The following PDE4D variants were observed in gnomAD, a reference collection of about 807,000 sequenced individuals.
PDE4D encodes the protein 3',5'-cyclic-AMP phosphodiesterase 4D.
A neutral mutation model predicts 87.4 loss-of-function variants in PDE4D; 24 were observed. That is an observed-to-expected ratio of 0.27 (90% CI 0.20 to 0.39). The LOEUF is 0.39. Among genes scored for constraint, PDE4D ranks in the 10% least tolerant of loss-of-function variants. The pLI, the probability that PDE4D is intolerant of heterozygous loss-of-function variation, is 1.00. For missense variants in PDE4D, 714 were observed against 1,041.0 expected, an observed-to-expected ratio of 0.69 and a Z score of 4.32; for synonymous variants, 384 against 383.2, an observed-to-expected ratio of 1.00 and a Z score of -0.02.
rs140441208 is a variant in PDE4D at position 59,764,777 on chromosome 5, T to C, written c.455+128391A>G. Among the ~76,000 whole-genome samples the C allele has an allele frequency of 7.0e-3, 1,029 of 147,102 alleles. 15 individuals carry two copies. Among genetic ancestry groups the C allele is most frequent in the African/African-American group, 0.024 (943 of 39,492 alleles). ...TTCAAGTGATTCTCGTGCCTCAGCC[T>C]CCTGTGGAGCTGGGATTACAGGCAC... On this transcript the variant is annotated intron_variant, in intron 1 of 14. Transcript: ENST00000340635.
intron 1 of PDE4D, among the ~76,000 whole-genome samples, chr5:59,870,078 T>A (rs1027741317): frequency 6.6e-6 from 1 of 152,212 alleles, no homozygotes; most frequent in African/African-American, 2.4e-5. Flanking sequence ...TTATCTGGAA[T>A]TTTCCATAAA....
At chr5:59,732,625 G>A (rs942898967) in intron 1 of PDE4D, among the ~76,000 whole-genome samples, 4 of 152,024 alleles carry the variant, frequency 2.6e-5, no homozygotes, top group African/African-American at 9.7e-5. Flanking sequence ...CCCCTGACCG[G>A]CCCTTTTCAT....
intron 1 of PDE4D, among the ~76,000 whole-genome samples, chr5:59,401,597 T>C (rs565279972): frequency 6.6e-6 from 1 of 152,318 alleles, no homozygotes; most frequent in East Asian, 1.9e-4. Flanking sequence ...ACCAAGTTTA[T>C]GGTGTGGAAC....
chr5:59,924,918 C>G (rs1755072832), intron 3 of PDE4D, among the ~76,000 whole-genome samples: 1 of 152,010 alleles, frequency 6.6e-6, no homozygotes, highest in Non-Finnish European at 1.5e-5. Flanking sequence ...GCTCATGTCT[C>G]TAATCCCAGC....
At chr5:59,205,206 T>C (rs917797620) in intron 2 of PDE4D, among the ~76,000 whole-genome samples, 4 of 152,130 alleles carry the variant, frequency 2.6e-5, no homozygotes, top group African/African-American at 9.7e-5. Context: ...GTGAGATTTT[T>C]TTTTTAAACT....
chr5:59,395,259 G>A (rs905098487), intron 1 of PDE4D, among the ~76,000 whole-genome samples: 1 of 152,214 alleles, frequency 6.6e-6, no homozygotes, highest in African/African-American at 2.4e-5. Flanking sequence ...TGCTTCTGTA[G>A]GCTCCAACTC....
intron 2 of PDE4D, among the ~76,000 whole-genome samples, chr5:60,065,537 T>A (rs1419508366): frequency 1.3e-5 from 2 of 152,010 alleles, no homozygotes; most frequent in African/African-American, 4.8e-5. Context: ...GCTGTACCCA[T>A]TAACTCATCA....
intron 2 of PDE4D, among the ~76,000 whole-genome samples, chr5:60,016,465 T>C (rs943973237): frequency 4.6e-5 from 7 of 152,180 alleles, no homozygotes; most frequent in Non-Finnish European, 1.0e-4. Context: ...GCCACATCCA[T>C]TGACTCTTCC....
At chr5:59,013,956 G>A (rs1355025182) in intron 6 of PDE4D, among the ~76,000 whole-genome samples, 3 of 152,194 alleles carry the variant, frequency 2.0e-5, no homozygotes, top group African/African-American at 7.2e-5. Context: ...CCCTAATCAA[G>A]TGGGCTTCAT....
intron 1 of PDE4D, among the ~76,000 whole-genome samples, chr5:60,236,318 G>C (rs370488000): frequency 1.1e-3 from 163 of 151,816 alleles, no homozygotes; most frequent in African/African-American, 3.8e-3. Context: ...GCTATAGACT[G>C]AAAGAAAATA....
rs1366229194 is a variant in PDE4D, at chr5:59,125,720, T to C, written c.808+54875A>G. On this transcript the variant is annotated intron_variant, in intron 5 of 14. Coordinates refer to ENST00000340635, the MANE Select transcript of PDE4D (RefSeq NM_001104631.2). The stretch of plus-strand genomic sequence containing the variant: ...CAATTCGAATCATAGACAGGGAGGG[T>C]TGGGCAGGATGCGATGGGGGAGCGA... 3.3e-5 allele frequency among the ~76,000 whole-genome samples: 5 copies of C among 151,936 alleles called. No individual in the cohort carries two copies. In the South Asian group the frequency reaches 1.0e-3, roughly 32 times the overall value.
At chr5:59,142,865 C>T (rs12516263) in intron 5 of PDE4D, among the ~76,000 whole-genome samples, 35,414 of 151,914 alleles carry the variant, frequency 0.23, 4,388 homozygotes, top group African/African-American at 0.28. Context: ...TTCAGTGAGC[C>T]GAGATCGTGC....
At position 60,419,403 on chromosome 5, in the gene PDE4D, T is replaced by C. The variant is rs531610615; in HGVS notation, c.-90+68539A>G. Among the ~76,000 whole-genome samples, 13 of 152,108 alleles carry C rather than the reference T, an allele frequency of 8.5e-5. 1 individual carries two copies. Among genetic ancestry groups the C allele is most frequent in the African/African-American group, 2.9e-4 (12 of 41,488 alleles). On this transcript the variant is annotated intron_variant, in intron 1 of 16. Transcript: ENST00000502484. ...AATATAAAGTATGCACATCATGCTA[T>C]CATTTATGTGAGGAAAATAAGAAGA...
chr5:59,525,355 G>T (rs555535771), intron 1 of PDE4D, among the ~76,000 whole-genome samples: 13 of 152,364 alleles, frequency 8.5e-5, no homozygotes, highest in East Asian at 3.9e-4. Flanking sequence ...TTTTGGACTT[G>T]CATGGGGCCT....
intron 1 of PDE4D, among the ~76,000 whole-genome samples, chr5:59,472,469 G>A (rs1582767462): frequency 6.6e-6 from 1 of 152,118 alleles, no homozygotes; most frequent in Non-Finnish European, 1.5e-5. Context: ...TGCTAACATT[G>A]CTCTTGAACA....
chr5:59,583,511 A>T (rs1309950232), intron 1 of PDE4D, among the ~76,000 whole-genome samples: 2 of 152,232 alleles, frequency 1.3e-5, no homozygotes, highest in African/African-American at 4.8e-5. Flanking sequence ...TGAAAAGTGT[A>T]ATGGAAAGAA....
At chr5:59,967,792 C>T (rs1292391311) in intron 3 of PDE4D, among the ~76,000 whole-genome samples, 1 of 152,050 alleles carries the variant, frequency 6.6e-6, no homozygotes, top group Non-Finnish European at 1.5e-5. Flanking sequence ...AAGACACATG[C>T]ACTCATATGC....
chr5:60,262,544 C>T (rs1749758768), intron 1 of PDE4D: 2 of 152,272 alleles, frequency 1.3e-5, no homozygotes, highest in Non-Finnish European at 1.5e-5. Flanking sequence ...TCCCAGGACA[C>T]AGAAAGCCTC....
At chr5:59,227,230 A>G (rs1253067477) in intron 1 of PDE4D, among the ~76,000 whole-genome samples, 1 of 152,210 alleles carries the variant, frequency 6.6e-6, no homozygotes, top group African/African-American at 2.4e-5. Context: ...TTGTTAACAA[A>G]GTGGGGCTCA....
Sources: allele counts gnomAD v4.1 joint callset (sites outside exome capture counted in the v4.1 genomes callset), GRCh38; gene constraint gnomAD v4.1.1; transcripts MANE v1.5; gene names NCBI Gene and HGNC (gene_info 2026-07-23, HGNC 2026-07-21).